PPP2R2C: variants seen among roughly 807,000 people sequenced by gnomAD.
PPP2R2C encodes protein phosphatase 2, regulatory subunit B, gamma.
In PPP2R2C, 10 loss-of-function variants were observed where a neutral mutation model predicts 45.3. The observed-to-expected ratio is 0.22, with a 90% confidence interval of 0.14 to 0.37. The LOEUF is 0.37. PPP2R2C is among the 10% of genes least tolerant of loss of function. PPP2R2C has a pLI of 1.00. For synonymous variants in PPP2R2C, 257 were observed against 245.4 expected (o/e 1.05, Z -0.44); for missense variants, 308 against 619.7 (o/e 0.50, Z 5.34).
chr4:6,423,753 A>G (rs1490239474), intron 1 of PPP2R2C, among the ~76,000 whole-genome samples: 1 of 152,300 alleles, frequency 6.6e-6, no homozygotes, highest in Admixed American at 6.5e-5. Context: ...GGTAGGAACC[A>G]GCTTGGTGTG....
intron 5 of PPP2R2C, among the ~76,000 whole-genome samples, chr4:6,351,732 G>A (rs1448521022): frequency 6.6e-6 from 1 of 152,098 alleles, no homozygotes; most frequent in African/African-American, 2.4e-5. Flanking sequence ...TAAGATCTCC[G>A]TGGGGAGGCA....
At chr4:6,535,875 C>T (rs1442793242) in intron 1 of PPP2R2C, among the ~76,000 whole-genome samples, 1 of 152,230 alleles carries the variant, frequency 6.6e-6, no homozygotes. Flanking sequence ...TGAGGTCCCA[C>T]TGTGGCTCAG....
intron 1 of PPP2R2C, among the ~76,000 whole-genome samples, chr4:6,562,741 A>T (rs1330957860): frequency 6.6e-6 from 1 of 152,176 alleles, no homozygotes; most frequent in African/African-American, 2.4e-5. Context: ...GCCCTGAGAG[A>T]GTAAGCCACT....
At chr4:6,347,211 T>G (rs1217285669) in intron 6 of PPP2R2C, among the ~76,000 whole-genome samples, 1 of 152,186 alleles carries the variant, frequency 6.6e-6, no homozygotes, top group African/African-American at 2.4e-5. Context: ...ATTCGATGAG[T>G]TCACAGGTAA....
At chr4:6,491,014 G>A (rs972368136) in intron 2 of PPP2R2C, among the ~76,000 whole-genome samples, 1 of 152,112 alleles carries the variant, frequency 6.6e-6, no homozygotes, top group East Asian at 1.9e-4. Context: ...CTGAACGCGG[G>A]GCACCACCCC....
chr4:6,469,868 C>T (rs1043024533), intron 1 of PPP2R2C, among the ~76,000 whole-genome samples: 5 of 152,192 alleles, frequency 3.3e-5, no homozygotes, highest in South Asian at 4.1e-4. Flanking sequence ...TTTCTTGTTC[C>T]GATCCTGCTC....
At chr4:6,400,656 G>GC (rs1717357050) in intron 1 of PPP2R2C, among the ~76,000 whole-genome samples, 1 of 152,200 alleles carries the variant, frequency 6.6e-6, no homozygotes, top group African/African-American at 2.4e-5. Context: ...AGTAACTAAG[G>GC]CGTCTATTGA....
At chr4:6,479,970 G>C (rs946579018) in intron 2 of PPP2R2C, among the ~76,000 whole-genome samples, 2 of 151,916 alleles carry the variant, frequency 1.3e-5, no homozygotes, top group African/African-American at 4.8e-5. Context: ...CTTAGCCACT[G>C]AAGTAGCTGG....
chr4:6,546,343 T>G (rs1400070920), intron 1 of PPP2R2C, among the ~76,000 whole-genome samples: 1 of 152,174 alleles, frequency 6.6e-6, no homozygotes, highest in East Asian at 1.9e-4. Context: ...ACACAGCATG[T>G]GCTTTAAAAA....
intron 2 of PPP2R2C, among the ~76,000 whole-genome samples, chr4:6,515,437 G>T (rs1560597147): frequency 2.0e-5 from 3 of 152,236 alleles, no homozygotes; most frequent in Non-Finnish European, 4.4e-5. Context: ...AGTTAACACT[G>T]ATGGGGTTTG....
rs1243855408 is a variant in PPP2R2C, at chr4:6,345,268, G to A, written c.790+2578C>T. ...CCAGACCTGGCTGTACACAGGCACA[G>A]CTGGAGGCACATGTGGCCTGAGTGA... On this transcript the variant is annotated intron_variant, in intron 6 of 8. Transcript: ENST00000382599. The surrounding 1 kb of genome is among the most constrained non-coding windows in gnomAD (Gnocchi z 5.3). 6.6e-6 allele frequency among the ~76,000 whole-genome samples: 1 copy of A among 152,174 alleles called. No homozygotes were observed. Among genetic ancestry groups the A allele is most frequent in the Non-Finnish European group, 1.5e-5 (1 of 68,038 alleles).
intron 5 of PPP2R2C, chr4:6,349,000 A>G: frequency 1.0e-6 from 1 of 984,956 alleles, no homozygotes; most frequent in Non-Finnish European, 1.2e-6. Context: ...GGCTGGATTC[A>G]GCCTCACAAC....
At chr4:6,456,288 T>G (rs549512464) in intron 1 of PPP2R2C, among the ~76,000 whole-genome samples, 2 of 132,640 alleles carry the variant, frequency 1.5e-5, no homozygotes, top group Admixed American at 8.7e-5. Context: ...TCTGGAGTAG[T>G]GAAATGAAGG....
At chr4:6,452,743 G>C (rs1720806711) in intron 1 of PPP2R2C, among the ~76,000 whole-genome samples, 1 of 152,246 alleles carries the variant, frequency 6.6e-6, no homozygotes, top group African/African-American at 2.4e-5. Flanking sequence ...CTTATGTGGG[G>C]CTCACAGGGT....
chr4:6,489,046 T>G (rs1722614854), intron 2 of PPP2R2C, among the ~76,000 whole-genome samples: 1 of 152,178 alleles, frequency 6.6e-6, no homozygotes. Context: ...TCCATTCCAT[T>G]AGTCTGCCTG....
chr4:6,456,978 C>T (rs1172343134), intron 1 of PPP2R2C, among the ~76,000 whole-genome samples: 8 of 152,046 alleles, frequency 5.3e-5, no homozygotes, highest in South Asian at 2.1e-4. Flanking sequence ...GAGGCTAAGG[C>T]GGGCAGATCA....
At chr4:6,428,851 C>T (rs1342306570) in intron 1 of PPP2R2C, among the ~76,000 whole-genome samples, 2 of 152,238 alleles carry the variant, frequency 1.3e-5, no homozygotes, top group African/African-American at 4.8e-5. Flanking sequence ...GAAGTCACAA[C>T]CAGGAAGTGG....
At chr4:6,389,571 G>C (rs1418998003) in intron 1 of PPP2R2C, among the ~76,000 whole-genome samples, 1 of 152,190 alleles carries the variant, frequency 6.6e-6, no homozygotes, top group Non-Finnish European at 1.5e-5. Context: ...CTTGGCGAGC[G>C]AATTTACCCA....
chr4:6,323,085 AT>A lies in PPP2R2C; in HGVS notation c.*216del. Reference sequence around the variant, plus strand: ...GCGGTGAACGCTTCCTTTCCTTTTTATTTTTTTAAACAGACAATTACTGCCA... The same window carrying A: ...GCGGTGAACGCTTCCTTTCCTTTTTATTTTTTAAACAGACAATTACTGCCA... On this transcript the variant is annotated 3_prime_UTR_variant, in exon 9 of 9. Transcript: ENST00000382599. 1 of 482,336 alleles carries A rather than the reference AT, an allele frequency of 2.1e-6. No individual in the cohort carries two copies. The highest frequency in any genetic ancestry group is 5.9e-5 in the South Asian group (1 of 17,026). 29.9% of individuals were successfully genotyped at this position (482,336 alleles called of 1,614,324 possible).
Sources: allele counts gnomAD v4.1 joint callset (sites outside exome capture counted in the v4.1 genomes callset), GRCh38; gene constraint gnomAD v4.1.1; non-coding constraint Gnocchi (gnomAD v3.1); transcripts MANE v1.5; gene names NCBI Gene and HGNC (gene_info 2026-07-23, HGNC 2026-07-21).